The following MAGI2 variants were observed in gnomAD, a reference collection of about 807,000 sequenced individuals.
MAGI2 encodes membrane-associated guanylate kinase, WW and PDZ domain-containing protein 2.
A neutral mutation model predicts 133.3 loss-of-function variants in MAGI2; 35 were observed. That is an observed-to-expected ratio of 0.26 (90% CI 0.20 to 0.35). The LOEUF is 0.35. Among genes scored for constraint, MAGI2 ranks in the 10% least tolerant of loss-of-function variants. The pLI, the probability that MAGI2 is intolerant of heterozygous loss-of-function variation, is 1.00. For synonymous variants in MAGI2, 729 were observed against 710.6 expected, an observed-to-expected ratio of 1.03 and a Z score of -0.41; for missense variants, 1,636 against 1,863.4, an observed-to-expected ratio of 0.88 and a Z score of 2.25.
chr7:78,861,193 G>A (rs561327857), intron 2 of MAGI2, among the ~76,000 whole-genome samples: 41 of 152,266 alleles, frequency 2.7e-4, no homozygotes, highest in African/African-American at 8.9e-4. Context: ...TGCACTTCCC[G>A]GGTGAGGCGA....
chr7:79,054,739 A>G (rs1812985350), intron 1 of MAGI2, among the ~76,000 whole-genome samples: 1 of 152,136 alleles, frequency 6.6e-6, no homozygotes, highest in Non-Finnish European at 1.5e-5. Flanking sequence ...TGTTGGAGTT[A>G]GTTCTGACTC....
chr7:78,456,626 C>T (rs1319909733), intron 6 of MAGI2, among the ~76,000 whole-genome samples: 1 of 152,098 alleles, frequency 6.6e-6, no homozygotes, highest in Non-Finnish European at 1.5e-5. Context: ...TAAATTTATT[C>T]CGGTATAATA....
chr7:79,314,742 C>A (rs1370314787), intron 1 of MAGI2, among the ~76,000 whole-genome samples: 1 of 152,066 alleles, frequency 6.6e-6, no homozygotes, highest in African/African-American at 2.4e-5. Flanking sequence ...GTACATGTGA[C>A]CAATCAAACT....
At chr7:78,804,748 CAAAAAAAAA>C (rs373472835) in intron 2 of MAGI2, among the ~76,000 whole-genome samples, 56,484 of 96,568 alleles carry the variant, frequency 0.58, 12,995 homozygotes, top group South Asian at 0.65. Context: ...GACTCTGTCT[CAAAAAAAAA>C]AAAAAAAAAA....
intron 6 of MAGI2, chr7:78,486,937 T>G (rs1793080849): frequency 3.8e-6 from 2 of 524,430 alleles, no homozygotes; most frequent in Non-Finnish European, 7.7e-6. Context: ...CTAGCTCATT[T>G]CATGGCTCTG....
At chr7:78,814,437 G>A (rs1440302781) in intron 2 of MAGI2, among the ~76,000 whole-genome samples, 2 of 152,136 alleles carry the variant, frequency 1.3e-5, no homozygotes, top group Non-Finnish European at 2.9e-5. Context: ...AGTAATTTAG[G>A]ATAAGCCTTC....
intron 10 of MAGI2, among the ~76,000 whole-genome samples, chr7:78,237,145 TA>T (rs1258389735): frequency 3.3e-5 from 5 of 152,128 alleles, no homozygotes. Context: ...TTACCATCTG[TA>T]AACACACTTC....
chr7:78,501,498 T>TTTTC, intron 5 of MAGI2, 79 bp downstream of exon 5: 1 of 1,254,482 alleles, frequency 8.0e-7, no homozygotes, highest in South Asian at 1.3e-5. Context: ...TTTTTTTTTT[T>TTTTC]TCCACGTCTA....
At chr7:78,717,150 C>T (rs1176973686) in intron 2 of MAGI2, among the ~76,000 whole-genome samples, 2 of 152,120 alleles carry the variant, frequency 1.3e-5, no homozygotes, top group East Asian at 1.9e-4. Context: ...AAGGAGGCTC[C>T]TGCGCTCGCT....
At chr7:79,288,429 C>G (rs1041545421) in intron 1 of MAGI2, among the ~76,000 whole-genome samples, 5 of 152,096 alleles carry the variant, frequency 3.3e-5, no homozygotes, top group African/African-American at 1.2e-4. Flanking sequence ...ATTTTTTAAA[C>G]ATTTCCCTAC....
At chr7:78,950,128 C>T (rs1242512106) in intron 2 of MAGI2, among the ~76,000 whole-genome samples, 1 of 152,100 alleles carries the variant, frequency 6.6e-6, no homozygotes, top group African/African-American at 2.4e-5. Context: ...GTTAGACATG[C>T]ATTTCAGGCT....
chr7:78,657,621 A>T (rs922610121), intron 2 of MAGI2, among the ~76,000 whole-genome samples: 3 of 140,374 alleles, frequency 2.1e-5, no homozygotes, highest in Non-Finnish European at 4.7e-5. Context: ...AAGTTTGGCG[A>T]CTTTAAGAAG....
intron 6 of MAGI2, among the ~76,000 whole-genome samples, chr7:78,461,465 A>C (rs1790011777): frequency 6.6e-6 from 1 of 150,872 alleles, no homozygotes. Flanking sequence ...CAGATTTATT[A>C]GTTTTTCTGT....
chr7:78,816,443 T>C (rs2151419826), intron 2 of MAGI2, among the ~76,000 whole-genome samples: 1 of 152,356 alleles, frequency 6.6e-6, no homozygotes, highest in East Asian at 1.9e-4. Context: ...AGCCTTCTAT[T>C]TGAAGAAGAT....
At chr7:79,326,619 A>ATTAGTCAT (rs1839713776) in intron 1 of MAGI2, among the ~76,000 whole-genome samples, 1 of 151,984 alleles carries the variant, frequency 6.6e-6, no homozygotes, top group South Asian at 2.1e-4. Context: ...TAGTAAAAAT[A>ATTAGTCAT]TTAGTCATTC....
chr7:78,684,776 T>C (rs1199729946), intron 2 of MAGI2, among the ~76,000 whole-genome samples: 1 of 152,146 alleles, frequency 6.6e-6, no homozygotes, highest in Non-Finnish European at 1.5e-5. Context: ...AAGATGTAGC[T>C]ATGATATCCT....
At chr7:79,281,457 T>A (rs535106053) in intron 1 of MAGI2, among the ~76,000 whole-genome samples, 198 of 152,274 alleles carry the variant, frequency 1.3e-3, no homozygotes, top group African/African-American at 4.7e-3. Flanking sequence ...GCGATCTTTA[T>A]GTTTTTCATA....
chr7:78,438,273 C>CA (rs5885062), intron 6 of MAGI2, among the ~76,000 whole-genome samples: 108,541 of 148,270 alleles, frequency 0.73, 41,059 homozygotes, highest in East Asian at 0.86. Context: ...GTCATAAGTA[C>CA]AAAAAAAAAA....
chr7:79,244,980 C>T (rs897924714), intron 1 of MAGI2, among the ~76,000 whole-genome samples: 1 of 152,162 alleles, frequency 6.6e-6, no homozygotes, highest in Admixed American at 6.5e-5. Flanking sequence ...AGTTCCTCTT[C>T]CAAAACCTAA....
Sources: allele counts gnomAD v4.1 joint callset (sites outside exome capture counted in the v4.1 genomes callset), GRCh38; gene constraint gnomAD v4.1.1; transcripts MANE v1.5; gene names NCBI Gene and HGNC (gene_info 2026-07-23, HGNC 2026-07-21).